Variants in CEBPZ observed in about 807,000 individuals in gnomAD.
The protein encoded by CEBPZ is CCAAT/enhancer-binding protein zeta.
A neutral mutation model predicts 104.5 loss-of-function variants in CEBPZ; 78 were observed. The ratio of observed to expected loss-of-function variants is 0.75; its 90% CI spans 0.62 to 0.90. The LOEUF is 0.90. CEBPZ is among the 40% of genes least tolerant of loss of function. CEBPZ has a pLI of 0.00. For missense variants in CEBPZ, 1,439 were observed against 1,233.5 expected (o/e 1.17, Z -2.50); for synonymous variants, 470 against 427.0 (o/e 1.10, Z -1.24).
At chr2:37,215,981 T>A (rs1677857632) in intron 8 of CEBPZ, 159 bp downstream of exon 8, 2 of 479,200 alleles carry the variant, frequency 4.2e-6, no homozygotes, top group Non-Finnish European at 7.2e-6. Context: ...CCCAGTCAGA[T>A]ACAGTAGATT....
At position 37,228,165 on chromosome 2, in the gene CEBPZ, A is replaced by G; in HGVS notation, c.1028T>C (p.Val343Ala). 1 of 1,614,218 alleles carries G rather than the reference A, an allele frequency of 6.2e-7. No individual in the cohort carries two copies. The highest frequency in any genetic ancestry group is 8.5e-7 in the Non-Finnish European group (1 of 1,180,044). The change falls in exon 2 of 16, where the codon GTG becomes GCG. Residue 343 changes from valine to alanine, a missense_variant. By Grantham distance (64) the Val-to-Ala change is moderately conservative. Transcript: ENST00000234170. ...WYFEHQLKHL[V>A]AEFVQVLETL... The stretch of plus-strand genomic sequence containing the variant: ...TTCTAAGACCTGCACAAATTCAGCC[A>G]CTAAGTGTTTCAGCTGGTGTTCAAA...
At chr2:37,214,488 A>T (rs1370933143) in intron 9 of CEBPZ, among the ~76,000 whole-genome samples, 1 of 152,130 alleles carries the variant, frequency 6.6e-6, no homozygotes, top group African/African-American at 2.4e-5. Flanking sequence ...ATCTATATTA[A>T]AGGTAGATTT....
At position 37,228,413 on chromosome 2, in the gene CEBPZ, A is replaced by G. The variant is rs1664944371; in HGVS notation, c.780T>C (p.Val260=). 1 of 1,614,214 alleles carries G rather than the reference A, an allele frequency of 6.2e-7. No homozygotes were observed. The highest frequency in any genetic ancestry group is 1.3e-5 in the African/African-American group (1 of 75,054). The part of the protein sequence containing the change: ...AMILLIQDDA[V]HTLQFVETLV... ...GAGTTTCTACAAACTGAAGTGTGTG[A>G]ACGGCATCATCCTGAATAAGAAGAA... Residue 260 remains valine, a synonymous_variant, in exon 2 of 16, where the codon GTT becomes GTC. Transcript: ENST00000234170.
intron 13 of CEBPZ, chr2:37,210,688 GCACC>G: frequency 4.1e-6 from 1 of 245,694 alleles, no homozygotes. Context: ...AGTGATGGGT[GCACC>G]AAAATCTCAG....
At chr2:37,226,324 A>AT (rs1390574156) in intron 2 of CEBPZ, among the ~76,000 whole-genome samples, 1 of 152,234 alleles carries the variant, frequency 6.6e-6, no homozygotes, top group Non-Finnish European at 1.5e-5. Flanking sequence ...TAAACTAAAG[A>AT]AACATGGATG....
chr2:37,210,127 C>T (rs1313728196), intron 13 of CEBPZ: 1 of 152,028 alleles, frequency 6.6e-6, no homozygotes. Context: ...AAAAAAATTT[C>T]AGATGTTGGC....
chr2:37,215,077 A>G (rs1427422840), intron 8 of CEBPZ, 125 bp from the exon 9 acceptor site: 1 of 663,618 alleles, frequency 1.5e-6, no homozygotes, highest in East Asian at 2.8e-5. Flanking sequence ...GGGAAGGTAG[A>G]CAGAAGGGAC....
rs1677867192 is a variant in CEBPZ at position 37,216,374 on chromosome 2, A to G, written c.2253T>C (p.Thr751=). 1 of 1,613,816 alleles carries G rather than the reference A, an allele frequency of 6.2e-7. No homozygotes were observed. Among genetic ancestry groups the G allele is most frequent in the Non-Finnish European group, 8.5e-7 (1 of 1,179,946 alleles). Residue 751 remains threonine, a synonymous_variant, in exon 7 of 16, where the codon ACT becomes ACC. Coordinates refer to ENST00000234170, the MANE Select transcript of CEBPZ (RefSeq NM_005760.3). ...QYSGDPLQDF[T]LMRFLDRFVY... is the part of the protein sequence containing the mutation. ...CAAATCGATCCAAAAATCTCATTAG[A>G]GTGAAATCCTGCAGTGGGTCCCCTG...
rs775268056 is a variant in CEBPZ, at chr2:37,211,884, G to C, written c.2759C>G (p.Thr920Arg). The change falls in exon 12 of 16, where the codon ACA becomes AGA. Residue 920 changes from threonine (T) to arginine (R), a missense_variant. Coordinates refer to ENST00000234170, the MANE Select transcript of CEBPZ (RefSeq NM_005760.3). The part of the protein sequence containing the change: ...EFAEVDEDGG[T>R]FMDVLDDESE... ...TTCATCATCTAACACATCCATGAAT[G>C]TTCCTCCATCTTCATCAACTTCAGC... 2 of 1,610,400 alleles carry C rather than the reference G, an allele frequency of 1.2e-6. No homozygotes were observed.
intron 15 of CEBPZ, chr2:37,202,437 G>A (rs1172312385): frequency 5.7e-6 from 1 of 174,238 alleles, no homozygotes; most frequent in Non-Finnish European, 1.2e-5. Context: ...TTGAGGTCAG[G>A]AGTTCGAGAC....
chr2:37,229,779 C>T (rs1664994253), intron 1 of CEBPZ, among the ~76,000 whole-genome samples: 1 of 152,200 alleles, frequency 6.6e-6, no homozygotes, highest in Admixed American at 6.5e-5. Flanking sequence ...ATGACCATGG[C>T]TGAACTGCAG....
chr2:37,218,345 A>C (rs921361113), intron 5 of CEBPZ, among the ~76,000 whole-genome samples: 5 of 152,220 alleles, frequency 3.3e-5, no homozygotes, highest in African/African-American at 9.6e-5. Context: ...ATTACTTTAC[A>C]GTTTTGCAAA....
In CEBPZ at chr2:37,225,022, T is replaced by C. The variant is rs569277978; in HGVS notation, c.1650-1621A>G. Among the ~76,000 whole-genome samples, 10 of 150,304 alleles carry C rather than the reference T, an allele frequency of 6.7e-5. No individual in the cohort carries two copies. The South Asian group carries it at 2.1e-3, about 31-fold the overall frequency. ...TATGACCATCAAAAGTTCAAAATAA[T>C]GAAACCACCCCCCTTCAAAACAAAC... On this transcript the variant is annotated intron_variant, in intron 2 of 15. Coordinates refer to ENST00000234170, the MANE Select transcript of CEBPZ (RefSeq NM_005760.3).
chr2:37,223,509 G>C, intron 2 of CEBPZ, 108 bp from the exon 3 acceptor site: 2 of 927,800 alleles, frequency 2.2e-6, no homozygotes, highest in Non-Finnish European at 1.6e-6. Context: ...GGATAACTTT[G>C]CTGCTTATTT....
intron 2 of CEBPZ, 136 bp from the exon 3 acceptor site, chr2:37,223,537 C>A: frequency 1.4e-6 from 1 of 706,414 alleles, no homozygotes; most frequent in Non-Finnish European, 2.3e-6. Flanking sequence ...AGAGACCCTG[C>A]CCTAAGAGGT....
At chr2:37,230,695 C>A (rs903350181) in intron 1 of CEBPZ, among the ~76,000 whole-genome samples, 2 of 152,174 alleles carry the variant, frequency 1.3e-5, no homozygotes, top group Non-Finnish European at 2.9e-5. Flanking sequence ...TTACTATTCT[C>A]CCCTTAACTC....
In CEBPZ at chr2:37,214,946, C is replaced by A. The variant is rs1344434731; in HGVS notation, c.2387G>T (p.Ser796Ile). ...TTCTTCTTTTGCAAGGAACTCCTTACTGTTCACTACAAAAATAAATTTAAA... is the reference window on the plus strand; with the variant it reads ...TTCTTCTTTTGCAAGGAACTCCTTAATGTTCACTACAAAAATAAATTTAAA... ...IKDIRHLPVNSKEFLAKEESQ... is the reference protein window; with the variant it reads ...IKDIRHLPVNIKEFLAKEESQ... Residue 796 changes from serine (S) to isoleucine (I), a missense_variant, in exon 9 of 16, where the codon AGT becomes ATT. Transcript: ENST00000234170. The A allele has an allele frequency of 8.7e-6, 14 of 1,603,746 alleles. No individual in the cohort carries two copies. Among genetic ancestry groups the A allele is most frequent in the Non-Finnish European group, 1.2e-5 (14 of 1,171,168 alleles).
At chr2:37,226,911 C>T (rs1254951488) in intron 2 of CEBPZ, among the ~76,000 whole-genome samples, 1 of 151,886 alleles carries the variant, frequency 6.6e-6, no homozygotes, top group Non-Finnish European at 1.5e-5. Context: ...CATTAAAAAA[C>T]AACAACAAAA....
Position 37,201,743 on chromosome 2 carries a change from T to C in CEBPZ, c.*21A>G, listed in dbSNP as rs766109319. On this transcript the variant is annotated 3_prime_UTR_variant, in exon 16 of 16. Coordinates refer to ENST00000234170, the MANE Select transcript of CEBPZ (RefSeq NM_005760.3). Reference sequence around the variant, plus strand: ...AAATTAGATGTAAGTAGAATTTTAATCTATAATTTACATTAATAACTCATT... The same window carrying C: ...AAATTAGATGTAAGTAGAATTTTAACCTATAATTTACATTAATAACTCATT... The C allele has an allele frequency of 3.4e-5, 43 of 1,272,116 alleles. No individual in the cohort carries two copies. Among genetic ancestry groups the C allele is most frequent in the Non-Finnish European group, 4.7e-5 (42 of 884,744 alleles). The allele number at this position is 1,272,116 out of a possible 1,614,324, so 78.8% of individuals were successfully genotyped here.
Sources: gnomAD v4.1 joint callset for allele counts (sites outside exome capture counted in the v4.1 genomes callset) on GRCh38, gnomAD v4.1.1 for gene constraint, MANE v1.5 for transcripts, NCBI Gene and HGNC (gene_info 2026-07-23, HGNC 2026-07-21) for gene names.